The following SH2D4A variants were observed in gnomAD, a reference collection of about 807,000 sequenced individuals.
SH2D4A encodes SH2 domain-containing protein 4A.
Under a neutral mutation model 64.7 loss-of-function variants are expected in SH2D4A, and 70 were observed. The ratio of observed to expected loss-of-function variants is 1.08; its 90% confidence interval spans 0.89 to 1.32. The LOEUF is 1.32. Ranked by LOEUF, SH2D4A falls within the 40% of genes most tolerant of loss-of-function variation. The pLI, the probability that SH2D4A is intolerant of heterozygous loss-of-function variation, is 0.00. For synonymous variants in SH2D4A, 268 were observed against 200.7 expected (o/e 1.34, Z -2.83); for missense variants, 706 against 540.1 (o/e 1.31, Z -3.04).
intron 4 of SH2D4A, among the ~76,000 whole-genome samples, chr8:19,339,069 C>T (rs540809284): frequency 3.9e-5 from 6 of 152,342 alleles, no homozygotes; most frequent in African/African-American, 1.4e-4. Context: ...TGGCCGAAGG[C>T]CTTAGAGCCC....
intron 2 of SH2D4A, among the ~76,000 whole-genome samples, chr8:19,323,756 T>G (rs1563183754): frequency 1.3e-5 from 2 of 152,228 alleles, no homozygotes; most frequent in African/African-American, 4.8e-5. Flanking sequence ...CATGCTATAA[T>G]GGTAGCACCA....
At chr8:19,336,619 G>A (rs2117218091) in intron 4 of SH2D4A, among the ~76,000 whole-genome samples, 1 of 152,272 alleles carries the variant, frequency 6.6e-6, no homozygotes, top group South Asian at 2.1e-4. Flanking sequence ...TGGAGGCCGA[G>A]GCAGGAGGAT....
Position 19,394,726 on chromosome 8 carries a change from A to G in SH2D4A, c.*84A>G. ...ACTGCAACATTTATGTGTGAAGCCA[A>G]AATCACCCTGCAGCAGAGCCAATAC... is the stretch of plus-strand genomic sequence containing the variant. On this transcript the variant is annotated 3_prime_UTR_variant, in exon 10 of 10. Coordinates refer to ENST00000265807, the MANE Select transcript of SH2D4A (RefSeq NM_022071.4). The G allele has an allele frequency of 9.8e-7, 1 of 1,020,464 alleles. No individual in the cohort carries two copies. The allele number at this position is 1,020,464 out of a possible 1,614,324, so 63.2% of individuals were successfully genotyped here.
At position 19,364,160 on chromosome 8, in the gene SH2D4A, G is replaced by A; in HGVS notation, c.795G>A (p.Gln265=). The A allele has an allele frequency of 3.1e-6, 5 of 1,614,108 alleles. No individual in the cohort carries two copies. Among genetic ancestry groups the A allele is most frequent in the Non-Finnish European group, 3.4e-6 (4 of 1,179,956 alleles). ...ACAAGAGGTTATCCCTCGGGGCCCA[G>A]AAAGGAAGAGGCGGTGAGAGGCTGC... ...EDYKRLSLGA[Q]KGRGGERLQS... The change falls in exon 7 of 10, where the codon CAG becomes CAA. Residue 265 remains glutamine, a synonymous_variant. Transcript: ENST00000265807.
At chr8:19,388,585 A>T (rs1181341693) in intron 8 of SH2D4A, among the ~76,000 whole-genome samples, 1 of 152,216 alleles carries the variant, frequency 6.6e-6, no homozygotes, top group African/African-American at 2.4e-5. Context: ...TACAAACTTT[A>T]TTTGGCCATC....
chr8:19,314,592 A>C (rs998794799), intron 1 of SH2D4A, among the ~76,000 whole-genome samples: 1 of 152,078 alleles, frequency 6.6e-6, no homozygotes, highest in Non-Finnish European at 1.5e-5. Flanking sequence ...CTCCCTTCCC[A>C]GGGAGCTTAG....
chr8:19,317,387 G>A (rs1359331350), intron 1 of SH2D4A, among the ~76,000 whole-genome samples: 1 of 150,644 alleles, frequency 6.6e-6, no homozygotes, highest in African/African-American at 2.5e-5. Context: ...GTGGATCTGG[G>A]AAGGGCGTGA....
intron 8 of SH2D4A, among the ~76,000 whole-genome samples, chr8:19,385,562 C>T (rs753855469): frequency 1.3e-5 from 2 of 152,150 alleles, no homozygotes; most frequent in Non-Finnish European, 2.9e-5. Context: ...TTCAGAGGGT[C>T]ACTCTGAACC....
intron 7 of SH2D4A, among the ~76,000 whole-genome samples, chr8:19,372,935 C>G (rs2053128536): frequency 1.3e-5 from 2 of 151,278 alleles, no homozygotes; most frequent in African/African-American, 4.9e-5. Context: ...AAGAGAAAAT[C>G]AAATAATGCA....
intron 2 of SH2D4A, among the ~76,000 whole-genome samples, chr8:19,323,781 C>T (rs1213533527): frequency 2.0e-5 from 3 of 152,200 alleles, no homozygotes; most frequent in Admixed American, 6.5e-5. Context: ...GCATTCAATA[C>T]GCTTAACTGG....
intron 2 of SH2D4A, among the ~76,000 whole-genome samples, chr8:19,330,231 T>C (rs1475039305): frequency 1.3e-5 from 2 of 152,212 alleles, no homozygotes; most frequent in Non-Finnish European, 1.5e-5. Context: ...ACACTCATTA[T>C]ACTAGAACAA....
chr8:19,369,122 T>C (rs2053051597), intron 7 of SH2D4A, among the ~76,000 whole-genome samples: 1 of 152,168 alleles, frequency 6.6e-6, no homozygotes, highest in African/African-American at 2.4e-5. Context: ...GTTAATGTGA[T>C]GTGTCATGTT....
chr8:19,373,638 C>T lies in SH2D4A; in HGVS notation c.1026C>T (p.Asp342=), dbSNP rs759282576. The change falls in exon 8 of 10, where the codon GAC becomes GAT. Residue 342 remains aspartate, a synonymous_variant. Coordinates refer to ENST00000265807, the MANE Select transcript of SH2D4A (RefSeq NM_022071.4). ...PLRAGYQKTS[D]TIAPWFHGIL... is the part of the protein sequence containing the mutation. The stretch of plus-strand genomic sequence containing the variant: ...GAGCGGGCTACCAGAAAACCTCAGA[C>T]ACCATAGCCCCCTGGTTCCATGGTG... The T allele has an allele frequency of 4.6e-5, 75 of 1,613,190 alleles. No homozygotes were observed. Among genetic ancestry groups the T allele is most frequent in the Non-Finnish European group, 6.0e-5 (71 of 1,179,584 alleles).
chr8:19,342,057 G>C (rs975162966), intron 4 of SH2D4A, among the ~76,000 whole-genome samples: 5 of 152,140 alleles, frequency 3.3e-5, no homozygotes, highest in Admixed American at 6.6e-5. Flanking sequence ...CTAGGAAGTA[G>C]TGCTTCTAGT....
At chr8:19,377,914 G>C (rs578063147) in intron 8 of SH2D4A, among the ~76,000 whole-genome samples, 49 of 152,208 alleles carry the variant, frequency 3.2e-4, no homozygotes, top group African/African-American at 1.0e-3. Context: ...GATTATACCA[G>C]TATATACTCC....
Position 19,364,224 on chromosome 8 carries a change from C to A in SH2D4A, c.859C>A (p.Pro287Thr). The A allele has an allele frequency of 6.2e-7, 1 of 1,614,176 alleles. No homozygotes were observed. The highest frequency in any genetic ancestry group is 8.5e-7 in the Non-Finnish European group (1 of 1,180,002). The change falls in exon 7 of 10, where the codon CCC becomes ACC. Residue 287 changes from proline to threonine, a missense_variant. Coordinates refer to ENST00000265807, the MANE Select transcript of SH2D4A (RefSeq NM_022071.4). ...LRVPQKPERP[P>T]LPPKPQFLNS... ...TGTTCCGCAGAAACCAGAAAGACCT[C>A]CCCTTCCACCCAAGCCTCAGTTCCT...
At chr8:19,374,445 C>T (rs932848430) in intron 8 of SH2D4A, among the ~76,000 whole-genome samples, 1 of 152,158 alleles carries the variant, frequency 6.6e-6, no homozygotes, top group Non-Finnish European at 1.5e-5. Context: ...AATACAGTCC[C>T]CTCCCAGAGT....
chr8:19,314,157 G>T, intron 1 of SH2D4A: 1 of 1,025,854 alleles, frequency 9.7e-7, no homozygotes, highest in Non-Finnish European at 1.2e-6. Context: ...TGCCGGGGCT[G>T]AGGACCTTCG....
chr8:19,341,758 C>A (rs2052532133), intron 4 of SH2D4A, among the ~76,000 whole-genome samples: 1 of 149,182 alleles, frequency 6.7e-6, no homozygotes, highest in African/African-American at 2.5e-5. Context: ...TGGGAGATCA[C>A]TTTAGCTGAG....
Sources: allele counts gnomAD v4.1 joint callset (sites outside exome capture counted in the v4.1 genomes callset), GRCh38; gene constraint gnomAD v4.1.1; transcripts MANE v1.5; gene names NCBI Gene and HGNC (gene_info 2026-07-23, HGNC 2026-07-21).